Variants in TOM1L2 observed in about 807,000 individuals in gnomAD.
TOM1L2 encodes target of myb1 like 2 membrane trafficking protein, also known as TOM1-like protein 2.
In TOM1L2, 31 loss-of-function variants were observed where a neutral mutation model predicts 67.9. That is an observed-to-expected ratio of 0.46 (90% CI 0.34 to 0.62). TOM1L2 has a LOEUF of 0.62. TOM1L2 is among the 20% of genes least tolerant of loss of function. The pLI is 0.01. For synonymous variants in TOM1L2, 256 were observed against 254.0 expected (o/e 1.01, Z -0.07); for missense variants, 606 against 663.5 (o/e 0.91, Z 0.95).
At chr17:17,912,038 T>C (rs1281835479) in intron 1 of TOM1L2, among the ~76,000 whole-genome samples, 2 of 151,242 alleles carry the variant, frequency 1.3e-5, no homozygotes, top group Non-Finnish European at 2.9e-5. Flanking sequence ...AAATGAAAAG[T>C]CTCCCATGTC....
At chr17:17,913,368 G>A (rs2039491061) in intron 1 of TOM1L2, among the ~76,000 whole-genome samples, 1 of 151,410 alleles carries the variant, frequency 6.6e-6, no homozygotes, top group African/African-American at 2.4e-5. Context: ...TGCCAGCCTA[G>A]GCTGGGCTGT....
chr17:17,876,922 G>A (rs1026193215), intron 7 of TOM1L2, among the ~76,000 whole-genome samples: 1 of 152,258 alleles, frequency 6.6e-6, no homozygotes, highest in African/African-American at 2.4e-5. Context: ...GAACACAGGT[G>A]TAGAACTGAA....
intron 1 of TOM1L2, among the ~76,000 whole-genome samples, chr17:17,961,797 G>A (rs867611986): frequency 2.8e-4 from 43 of 151,904 alleles, no homozygotes; most frequent in Middle Eastern, 3.4e-3. Flanking sequence ...GCGTGAACCC[G>A]GGAGGTGGAG....
chr17:17,860,506 C>T (rs1371067674), intron 12 of TOM1L2, among the ~76,000 whole-genome samples: 3 of 152,246 alleles, frequency 2.0e-5, no homozygotes, highest in Non-Finnish European at 4.4e-5. Flanking sequence ...GAAACCAGCA[C>T]TGCTGCCTGC....
intron 1 of TOM1L2, among the ~76,000 whole-genome samples, chr17:17,931,616 C>A (rs1169423188): frequency 6.6e-6 from 1 of 152,270 alleles, no homozygotes; most frequent in East Asian, 1.9e-4. Flanking sequence ...GAAGCATCTC[C>A]CAGAAGACCT....
intron 1 of TOM1L2, among the ~76,000 whole-genome samples, chr17:17,940,565 G>A (rs1332226612): frequency 1.3e-5 from 2 of 152,190 alleles, no homozygotes; most frequent in Admixed American, 6.5e-5. Context: ...GGGAAGAAAT[G>A]AGCTGTGACT....
At chr17:17,916,074 A>ATTT (rs1203797922) in intron 1 of TOM1L2, among the ~76,000 whole-genome samples, 2 of 135,808 alleles carry the variant, frequency 1.5e-5, no homozygotes, top group African/African-American at 2.7e-5. Flanking sequence ...CCTTTTTAAG[A>ATTT]TTTTTTTTTT....
chr17:17,878,308 T>G (rs1375221697), intron 7 of TOM1L2, among the ~76,000 whole-genome samples: 1 of 152,232 alleles, frequency 6.6e-6, no homozygotes, highest in Non-Finnish European at 1.5e-5. Context: ...TCAGGACTCC[T>G]CACTGGGGCT....
intron 4 of TOM1L2, among the ~76,000 whole-genome samples, chr17:17,885,051 C>T (rs549624715): frequency 5.3e-5 from 8 of 152,282 alleles, no homozygotes; most frequent in South Asian, 2.1e-4. Context: ...CACCTATGCA[C>T]GGTGGTGCAT....
At chr17:17,874,590 G>A (rs537666327) in intron 7 of TOM1L2, among the ~76,000 whole-genome samples, 1 of 152,268 alleles carries the variant, frequency 6.6e-6, no homozygotes, top group South Asian at 2.1e-4. Flanking sequence ...TTAAAAAAAC[G>A]TTTGGAAAGT....
At chr17:17,900,382 C>T (rs1490614426) in intron 2 of TOM1L2, among the ~76,000 whole-genome samples, 1 of 150,440 alleles carries the variant, frequency 6.6e-6, no homozygotes, top group Admixed American at 6.6e-5. Flanking sequence ...ATTAGCTGGG[C>T]ATGGTGATGT....
intron 1 of TOM1L2, among the ~76,000 whole-genome samples, chr17:17,912,287 A>AC (rs1179797488): frequency 3.8e-4 from 46 of 121,732 alleles, no homozygotes; most frequent in African/African-American, 1.3e-3. Flanking sequence ...CGGGGGGCTG[A>AC]CCCCCCCACC....
chr17:17,866,248 C>A, intron 10 of TOM1L2, 48 bp downstream of exon 10: 2 of 1,560,164 alleles, frequency 1.3e-6, no homozygotes, highest in Non-Finnish European at 8.7e-7. Context: ...GCAAGGGAGG[C>A]CAGTGGTAGG....
At chr17:17,916,214 C>T (rs1287263771) in intron 1 of TOM1L2, among the ~76,000 whole-genome samples, 1 of 151,882 alleles carries the variant, frequency 6.6e-6, no homozygotes, top group African/African-American at 2.4e-5. Context: ...GCTGAGACTA[C>T]AGGCGCCCAC....
At chr17:17,952,115 T>C (rs2041229164) in intron 1 of TOM1L2, among the ~76,000 whole-genome samples, 2 of 152,200 alleles carry the variant, frequency 1.3e-5, no homozygotes, top group African/African-American at 2.4e-5. Flanking sequence ...GATGGCTATA[T>C]AAACTGTACA....
intron 12 of TOM1L2, chr17:17,858,145 C>A: frequency 3.8e-6 from 1 of 260,950 alleles, no homozygotes. Context: ...CTCTCAATTA[C>A]GGCTATCAGG....
chr17:17,955,013 A>C (rs550527889), intron 1 of TOM1L2, among the ~76,000 whole-genome samples: 9 of 152,262 alleles, frequency 5.9e-5, no homozygotes, highest in African/African-American at 2.2e-4. Context: ...TATGTTCAAA[A>C]AGCATTTATG....
intron 1 of TOM1L2, among the ~76,000 whole-genome samples, chr17:17,915,818 G>T (rs1364870902): frequency 6.7e-6 from 1 of 150,120 alleles, no homozygotes; most frequent in African/African-American, 2.5e-5. Context: ...CACAATGCTT[G>T]GCTCCATTTT....
chr17:17,912,575 A>G (rs1431110135), intron 1 of TOM1L2, among the ~76,000 whole-genome samples: 2 of 147,312 alleles, frequency 1.4e-5, no homozygotes, highest in Non-Finnish European at 3.0e-5. Context: ...CGCTCCCCAC[A>G]TCTCAGACGA....
Sources: gnomAD v4.1 joint callset for allele counts (sites outside exome capture counted in the v4.1 genomes callset) on GRCh38, gnomAD v4.1.1 for gene constraint, MANE v1.5 for transcripts, NCBI Gene and HGNC (gene_info 2026-07-23, HGNC 2026-07-21) for gene names.